Variants in APBB2 observed in about 807,000 individuals in gnomAD.
The protein encoded by APBB2 is Fe65-like 1.
A neutral mutation model predicts 82.5 loss-of-function variants in APBB2; 38 were observed. The observed-to-expected ratio is 0.46, with a 90% CI of 0.36 to 0.60. The LOEUF is 0.60. APBB2 is among the 20% of genes least tolerant of loss of function. The pLI, the probability that APBB2 is intolerant of heterozygous loss-of-function variation, is 0.00. For synonymous variants in APBB2, 341 were observed against 368.2 expected, an observed-to-expected ratio of 0.93 and a Z score of 0.85; for missense variants, 772 against 972.3, an observed-to-expected ratio of 0.79 and a Z score of 2.74.
chr4:40,895,161 T>A (rs1342958557), intron 10 of APBB2, among the ~76,000 whole-genome samples: 1 of 152,092 alleles, frequency 6.6e-6, no homozygotes, highest in African/African-American at 2.4e-5. Flanking sequence ...CCTGAGCGGA[T>A]GATCACACTT....
intron 12 of APBB2, among the ~76,000 whole-genome samples, chr4:40,885,423 G>C (rs1310681064): frequency 1.3e-5 from 2 of 152,240 alleles, no homozygotes; most frequent in Non-Finnish European, 1.5e-5. Context: ...TACTCGGCCA[G>C]TGAGGAATTG....
intron 12 of APBB2, among the ~76,000 whole-genome samples, chr4:40,874,967 C>A (rs1578132757): frequency 6.6e-6 from 1 of 152,250 alleles, no homozygotes; most frequent in African/African-American, 2.4e-5. Context: ...GAAAAAAAAT[C>A]AAAAAGCAGG....
intron 6 of APBB2, among the ~76,000 whole-genome samples, chr4:40,958,541 AAGG>A (rs1399406263): frequency 6.6e-6 from 1 of 152,182 alleles, no homozygotes. Context: ...ATAATAATGA[AAGG>A]AGAATGGGTG....
chr4:41,053,147 C>T (rs1726669825), intron 4 of APBB2, among the ~76,000 whole-genome samples: 1 of 152,108 alleles, frequency 6.6e-6, no homozygotes, highest in African/African-American at 2.4e-5. Flanking sequence ...GAAAGCATTC[C>T]AGGTCTCAAG....
At chr4:41,186,672 T>C (rs1772991427) in intron 1 of APBB2, among the ~76,000 whole-genome samples, 1 of 152,202 alleles carries the variant, frequency 6.6e-6, no homozygotes, top group Admixed American at 6.5e-5. Flanking sequence ...TCATTACCCA[T>C]ACCCTTGACT....
intron 1 of APBB2, among the ~76,000 whole-genome samples, chr4:41,148,587 C>T (rs1761415271): frequency 6.6e-6 from 1 of 152,186 alleles, no homozygotes; most frequent in South Asian, 2.1e-4. Context: ...CACGGACTGA[C>T]TCTAAGGGAA....
chr4:41,001,449 G>A (rs1560496019), intron 6 of APBB2, among the ~76,000 whole-genome samples: 1 of 152,194 alleles, frequency 6.6e-6, no homozygotes, highest in African/African-American at 2.4e-5. Context: ...CCAATTCAGT[G>A]TAGTTCTATA....
intron 4 of APBB2, among the ~76,000 whole-genome samples, chr4:41,045,467 T>C (rs1327915796): frequency 2.6e-5 from 4 of 152,088 alleles, no homozygotes. Context: ...CTAATTTTTG[T>C]ATTTTTAGTA....
chr4:41,162,039 A>G (rs1765299451), intron 1 of APBB2, among the ~76,000 whole-genome samples: 1 of 152,104 alleles, frequency 6.6e-6, no homozygotes, highest in Non-Finnish European at 1.5e-5. Context: ...CAGGCATCAC[A>G]CATCCTTTCA....
intron 3 of APBB2, among the ~76,000 whole-genome samples, chr4:41,076,272 C>T (rs1313920881): frequency 6.6e-6 from 1 of 152,196 alleles, no homozygotes; most frequent in Non-Finnish European, 1.5e-5. Context: ...GATGAGAAGA[C>T]AGGATGGAGG....
chr4:40,979,969 C>T (rs1025572415), intron 6 of APBB2, among the ~76,000 whole-genome samples: 1 of 152,184 alleles, frequency 6.6e-6, no homozygotes, highest in Non-Finnish European at 1.5e-5. Flanking sequence ...ATATAAGACA[C>T]CTAGGTTTTT....
At chr4:40,958,589 A>T (rs1454888703) in intron 6 of APBB2, among the ~76,000 whole-genome samples, 1 of 152,126 alleles carries the variant, frequency 6.6e-6, no homozygotes, top group Non-Finnish European at 1.5e-5. Context: ...GCAATTTTTG[A>T]TAATCTTCTA....
chr4:41,168,072 C>T (rs1767161761), intron 1 of APBB2, among the ~76,000 whole-genome samples: 1 of 152,038 alleles, frequency 6.6e-6, no homozygotes, highest in African/African-American at 2.4e-5. Context: ...AGATGGAGAC[C>T]ATCCTGGCTA....
rs549299968 is a variant in APBB2 at position 40,826,895 on chromosome 4, A to G, written c.1732+237T>C. 5 of 431,532 alleles carry G rather than the reference A, an allele frequency of 1.2e-5. No individual in the cohort carries two copies. The highest frequency in any genetic ancestry group is 4.1e-5 in the Admixed American group (1 of 24,526). 26.7% of individuals were successfully genotyped at this position (431,532 alleles called of 1,614,324 possible). The stretch of plus-strand genomic sequence containing the variant: ...AAAACGAAGGCAAAAACTAAAGACA[A>G]TATTCTTTAATCTTGTCCAATAACA... On this transcript the variant is annotated intron_variant, in intron 14 of 17. Coordinates refer to ENST00000508593, the MANE Select transcript of APBB2 (RefSeq NM_004307.2). The surrounding 1 kb of genome is among the most constrained non-coding windows in gnomAD (Gnocchi z 4.5).
chr4:40,963,424 T>A (rs899141409), intron 6 of APBB2, among the ~76,000 whole-genome samples: 5 of 152,134 alleles, frequency 3.3e-5, no homozygotes, highest in Non-Finnish European at 7.4e-5. Context: ...GTTTTTTGAT[T>A]TTCTAGCAAG....
At chr4:41,033,118 T>A (rs1717696596) in intron 5 of APBB2, 118 bp downstream of exon 5, 1 of 791,142 alleles carries the variant, frequency 1.3e-6, no homozygotes, top group South Asian at 1.6e-5. Context: ...TGAAGAACAA[T>A]GAAATTAAAA....
At chr4:41,019,156 T>C (rs1355730977) in intron 5 of APBB2, among the ~76,000 whole-genome samples, 1 of 152,160 alleles carries the variant, frequency 6.6e-6, no homozygotes, top group East Asian at 1.9e-4. Context: ...GACAGGACAG[T>C]AGCTGGAGGA....
chr4:41,092,499 G>A (rs112851880), intron 3 of APBB2, among the ~76,000 whole-genome samples: 20,315 of 152,030 alleles, frequency 0.13, 1,727 homozygotes, highest in Non-Finnish European at 0.18. Context: ...GACCAGCCTG[G>A]CCAACATAGT....
chr4:41,044,659 T>C (rs973613251), intron 4 of APBB2, among the ~76,000 whole-genome samples: 1 of 152,222 alleles, frequency 6.6e-6, no homozygotes, highest in Non-Finnish European at 1.5e-5. Context: ...ATACCTTAGG[T>C]ATGACTTTTC....
Sources: gnomAD v4.1 joint callset for allele counts (sites outside exome capture counted in the v4.1 genomes callset) on GRCh38, gnomAD v4.1.1 for gene constraint, Gnocchi (gnomAD v3.1) non-coding constraint, MANE v1.5 for transcripts, NCBI Gene and HGNC (gene_info 2026-07-23, HGNC 2026-07-21) for gene names.